The following KCNIP4 variants were observed in gnomAD, a reference collection of about 807,000 sequenced individuals.
KCNIP4 encodes the protein potassium voltage-gated channel interacting protein 4, also known as Kv channel-interacting protein 4.
In KCNIP4, 12 loss-of-function variants were observed where a neutral mutation model predicts 34.0. That is an observed-to-expected ratio of 0.35 (90% CI 0.23 to 0.57). The LOEUF (loss-of-function observed/expected upper bound fraction) is 0.57, where lower values mean the gene tolerates loss of function less well. KCNIP4 is among the 20% of genes least tolerant of loss of function. The pLI is 0.83. For synonymous variants in KCNIP4, 124 were observed against 102.2 expected, an observed-to-expected ratio of 1.21 and a Z score of -1.29; for missense variants, 238 against 311.7, an observed-to-expected ratio of 0.76 and a Z score of 1.78.
intron 1 of KCNIP4, among the ~76,000 whole-genome samples, chr4:21,828,636 C>T (rs1047640142): frequency 1.3e-5 from 2 of 151,756 alleles, no homozygotes; most frequent in African/African-American, 4.8e-5. Flanking sequence ...AAGAACAGGT[C>T]GCTTACAGAC....
chr4:21,158,957 T>C (rs1349077563), intron 1 of KCNIP4, among the ~76,000 whole-genome samples: 2 of 152,152 alleles, frequency 1.3e-5, no homozygotes, highest in Non-Finnish European at 2.9e-5. Context: ...ATAACTTCCA[T>C]TAAATTGAAA....
At chr4:21,878,801 C>T (rs1425760353) in intron 1 of KCNIP4, among the ~76,000 whole-genome samples, 1 of 152,090 alleles carries the variant, frequency 6.6e-6, no homozygotes, top group East Asian at 1.9e-4. Flanking sequence ...CCTTGTGGGC[C>T]TCAGTACTCT....
intron 1 of KCNIP4, among the ~76,000 whole-genome samples, chr4:21,651,365 T>G (rs556567421): frequency 1.3e-5 from 2 of 152,296 alleles, no homozygotes; most frequent in East Asian, 1.9e-4. Flanking sequence ...GAAATATGGA[T>G]GTTCACATGA....
intron 1 of KCNIP4, among the ~76,000 whole-genome samples, chr4:21,896,510 G>A (rs1727395788): frequency 6.9e-6 from 1 of 144,672 alleles, no homozygotes; most frequent in Non-Finnish European, 1.5e-5. Context: ...AGACAGAGAA[G>A]AGGAGTAAGG....
chr4:21,184,589 G>A (rs968118736), intron 1 of KCNIP4, among the ~76,000 whole-genome samples: 1 of 152,142 alleles, frequency 6.6e-6, no homozygotes, highest in Admixed American at 6.6e-5. Flanking sequence ...TGAGGCCAAG[G>A]TGATAGGTTT....
intron 1 of KCNIP4, among the ~76,000 whole-genome samples, chr4:21,394,091 A>G (rs1474125617): frequency 6.6e-6 from 1 of 152,218 alleles, no homozygotes; most frequent in Admixed American, 6.5e-5. Flanking sequence ...TGCAGTCTTT[A>G]GAGAAAAAAT....
intron 1 of KCNIP4, among the ~76,000 whole-genome samples, chr4:21,880,114 A>T (rs528391421): frequency 9.2e-4 from 140 of 152,298 alleles, no homozygotes; most frequent in South Asian, 5.4e-3. Context: ...GGACTAATAC[A>T]TCTATGTATA....
At chr4:21,519,769 A>G (rs544591286) in intron 1 of KCNIP4, among the ~76,000 whole-genome samples, 7 of 140,744 alleles carry the variant, frequency 5.0e-5, no homozygotes, top group African/African-American at 1.9e-4. Context: ...GTATGTGTGT[A>G]TACACACGTG....
At chr4:21,285,324 T>C (rs1429051261) in intron 1 of KCNIP4, among the ~76,000 whole-genome samples, 1 of 152,202 alleles carries the variant, frequency 6.6e-6, no homozygotes, top group Admixed American at 6.5e-5. Flanking sequence ...ATTCTGTGAA[T>C]GAAGATTTGC....
At chr4:21,543,209 G>A (rs1460477) in intron 1 of KCNIP4, among the ~76,000 whole-genome samples, 54,893 of 151,716 alleles carry the variant, frequency 0.36, 10,180 homozygotes, top group South Asian at 0.53. Flanking sequence ...TATACTAAAA[G>A]TAGTGCAAAA....
chr4:20,835,075 C>T (rs922006106), intron 3 of KCNIP4, among the ~76,000 whole-genome samples: 14 of 152,166 alleles, frequency 9.2e-5, no homozygotes, highest in African/African-American at 3.4e-4. Flanking sequence ...TGTTGCTTAC[C>T]ATCAAAGAGC....
chr4:20,934,351 A>G (rs1253075441), intron 1 of KCNIP4, among the ~76,000 whole-genome samples: 1 of 152,202 alleles, frequency 6.6e-6, no homozygotes, highest in Non-Finnish European at 1.5e-5. Flanking sequence ...TTAAAGTTTA[A>G]TAAGACATTC....
At chr4:20,930,766 T>C (rs901179445) in intron 1 of KCNIP4, among the ~76,000 whole-genome samples, 1 of 151,668 alleles carries the variant, frequency 6.6e-6, no homozygotes, top group Non-Finnish European at 1.5e-5. Context: ...TATACAACAT[T>C]GCTAATCATT....
intron 1 of KCNIP4, among the ~76,000 whole-genome samples, chr4:21,870,589 A>G (rs867054311): frequency 9.9e-5 from 15 of 152,246 alleles, no homozygotes; most frequent in African/African-American, 3.4e-4. Flanking sequence ...AACAGCTCCC[A>G]TAAAAAGAAT....
chr4:21,520,936 T>C (rs890701325), intron 1 of KCNIP4, among the ~76,000 whole-genome samples: 9 of 152,176 alleles, frequency 5.9e-5, no homozygotes, highest in Admixed American at 4.6e-4. Context: ...TATCTTTTAA[T>C]TAAATTGCCC....
At chr4:21,799,274 A>G (rs139658431) in intron 1 of KCNIP4, among the ~76,000 whole-genome samples, 1 of 152,328 alleles carries the variant, frequency 6.6e-6, no homozygotes, top group East Asian at 1.9e-4. Flanking sequence ...TGAGATTTAG[A>G]GAGGTGAACT....
intron 1 of KCNIP4, among the ~76,000 whole-genome samples, chr4:21,351,903 G>T (rs1718038458): frequency 6.6e-6 from 1 of 152,096 alleles, no homozygotes; most frequent in Admixed American, 6.5e-5. Context: ...GGTATTTTTT[G>T]ATGGCAGCTA....
chr4:20,930,418 C>T lies in KCNIP4; in HGVS notation c.62-47709G>A, dbSNP rs1480215959. Among the ~76,000 whole-genome samples, 7 of 152,006 alleles carry T rather than the reference C, an allele frequency of 4.6e-5. No homozygotes were observed. The Middle Eastern group carries it at 0.01, about 222-fold the overall frequency. ...AAACCATAAAACTCCTAGAGAAGAACATAGGGGGAAAAATTCCTTGATATT... is the reference window on the plus strand; with the variant it reads ...AAACCATAAAACTCCTAGAGAAGAATATAGGGGGAAAAATTCCTTGATATT... On this transcript the variant is annotated intron_variant, in intron 1 of 8. Transcript: ENST00000382152.
At chr4:20,932,555 GC>G (rs1688847817) in intron 1 of KCNIP4, among the ~76,000 whole-genome samples, 2 of 151,886 alleles carry the variant, frequency 1.3e-5, no homozygotes, top group African/African-American at 4.8e-5. Flanking sequence ...GATTTTAACT[GC>G]CTTTTCCCCA....
Sources: allele counts gnomAD v4.1 joint callset (sites outside exome capture counted in the v4.1 genomes callset), GRCh38; gene constraint gnomAD v4.1.1; transcripts MANE v1.5; gene names NCBI Gene and HGNC (gene_info 2026-07-23, HGNC 2026-07-21).